Variants in ABCC6 observed in about 807,000 individuals in gnomAD.
ABCC6 encodes ATP binding cassette subfamily C member 6.
A neutral mutation model predicts 169.5 loss-of-function variants in ABCC6; 126 were observed. That is an observed-to-expected ratio of 0.74 (90% CI 0.64 to 0.86). ABCC6 has a LOEUF of 0.86. ABCC6 is among the 40% of genes least tolerant of loss of function. The pLI, the probability that ABCC6 is intolerant of heterozygous loss-of-function variation, is 0.00. For synonymous variants in ABCC6, 752 were observed against 814.7 expected, an observed-to-expected ratio of 0.92 and a Z score of 1.31; for missense variants, 1,733 against 1,927.2, an observed-to-expected ratio of 0.90 and a Z score of 1.89.
intron 27 of ABCC6, among the ~76,000 whole-genome samples, chr16:16,156,217 A>G (rs2046549571): frequency 6.6e-6 from 1 of 152,170 alleles, no homozygotes; most frequent in South Asian, 2.1e-4. Flanking sequence ...CACCCAGCCA[A>G]CAATGCTGTT....
intron 30 of ABCC6, 25 bp downstream of exon 30, chr16:16,150,553 G>A (rs752404357): frequency 3.9e-5 from 63 of 1,601,638 alleles, no homozygotes; most frequent in Non-Finnish European, 1.3e-5. Flanking sequence ...GCTGCTGTGA[G>A]GTCAGGCCGG....
chr16:16,176,249 T>C (rs189829328), intron 19 of ABCC6, among the ~76,000 whole-genome samples: 124 of 152,310 alleles, frequency 8.1e-4, no homozygotes, highest in African/African-American at 2.9e-3. Flanking sequence ...TTTAACACTG[T>C]ACAAAGTCAA....
At chr16:16,189,014 C>T (rs779653466) in intron 12 of ABCC6, 40 bp from the exon 13 acceptor site, 68 of 1,610,870 alleles carry the variant, frequency 4.2e-5, no homozygotes, top group South Asian at 5.5e-5. Flanking sequence ...CAGTGAGACA[C>T]GCAAGCATGG....
chr16:16,202,213 G>A (rs554146271), intron 8 of ABCC6, 35 bp from the exon 9 acceptor site: 140 of 1,583,042 alleles, frequency 8.8e-5, no homozygotes, highest in South Asian at 7.2e-4. Flanking sequence ...TACAGCTGGT[G>A]AGAGGAGGTG....
At chr16:16,209,191 C>T (rs2048508377) in intron 6 of ABCC6, among the ~76,000 whole-genome samples, 2 of 152,156 alleles carry the variant, frequency 1.3e-5, no homozygotes, top group African/African-American at 2.4e-5. Flanking sequence ...TCAAGCGATT[C>T]TCCCACCTCA....
Position 16,157,721 on chromosome 16 carries a change from C to A in ABCC6, c.3824G>T (p.Arg1275Leu), listed in dbSNP as rs200010958. ...IEFRDFGLRY[R>L]PELPLAVQGV... ...CTGCACAGCCAGCGGGAGCTCAGGT[C>A]GGTATCTTAGCCCAAAGTCCCGGAA... is the stretch of plus-strand genomic sequence containing the variant. Residue 1275 changes from arginine (R) to leucine (L), a missense_variant, in exon 27 of 31, where the codon CGA (arginine) becomes CTA (leucine). Around this residue, in one of 5 missense-constraint regions of ABCC6, gnomAD observed 1,601 missense variants for 1,635.5 expected, o/e 0.98. Transcript: ENST00000205557. The A allele has an allele frequency of 6.2e-7, 1 of 1,613,990 alleles. No homozygotes were observed. The highest frequency in any genetic ancestry group is 1.7e-5 in the Admixed American group (1 of 60,002).
intron 25 of ABCC6, among the ~76,000 whole-genome samples, chr16:16,160,330 A>T (rs557694837): frequency 1.6e-4 from 25 of 152,174 alleles, no homozygotes; most frequent in Non-Finnish European, 2.1e-4. Flanking sequence ...TGTGGGCAGT[A>T]TTAAGTGAGT....
rs3213473 is a variant in ABCC6 at position 16,162,910 on chromosome 16, T to A, written c.3506+83A>T. Reference sequence around the variant, plus strand: ...TGTCCCTGACTCTCTGGGTGACCTCTCTACCATACAATATGACCTCAGGTC... The same window carrying A: ...TGTCCCTGACTCTCTGGGTGACCTCACTACCATACAATATGACCTCAGGTC... On this transcript the variant is annotated intron_variant, in intron 24 of 30. Transcript: ENST00000205557. 0.017 allele frequency: 26,162 copies of A among 1,574,632 alleles called. 279 individuals are homozygous for A. The highest frequency in any genetic ancestry group is 0.02 in the Non-Finnish European group (22,637 of 1,146,450).
chr16:16,192,108 G>A (rs1285453012), intron 11 of ABCC6, among the ~76,000 whole-genome samples: 1 of 152,216 alleles, frequency 6.6e-6, no homozygotes, highest in Non-Finnish European at 1.5e-5. Context: ...GGGTGGTGAG[G>A]GAAGCCGCCC....
intron 10 of ABCC6, among the ~76,000 whole-genome samples, chr16:16,194,772 C>T (rs1309087176): frequency 1.3e-5 from 2 of 152,098 alleles, no homozygotes; most frequent in Non-Finnish European, 2.9e-5. Flanking sequence ...CTCACTGCAA[C>T]CTCTGCTTCC....
intron 29 of ABCC6, among the ~76,000 whole-genome samples, chr16:16,151,888 A>G (rs1353692974): frequency 6.6e-6 from 1 of 152,004 alleles, no homozygotes; most frequent in Non-Finnish European, 1.5e-5. Context: ...TCGTGACGAC[A>G]TGGCACATAA....
chr16:16,203,727 T>G (rs1166836139), intron 7 of ABCC6, 114 bp from the exon 8 acceptor site: 17 of 1,134,150 alleles, frequency 1.5e-5, no homozygotes, highest in East Asian at 5.0e-5. Context: ...TGGGTGTGGA[T>G]CTAGCCTGGC....
chr16:16,161,237 C>A (rs2152221464), intron 25 of ABCC6, among the ~76,000 whole-genome samples: 1 of 143,024 alleles, frequency 7.0e-6, no homozygotes, highest in South Asian at 2.2e-4. Flanking sequence ...TGACACTCCA[C>A]AAGGAAAGAC....
At position 16,187,819 on chromosome 16, in the gene ABCC6, T is replaced by A. The variant is rs146334179; in HGVS notation, c.1780-608A>T. Reference sequence around the variant, plus strand: ...CTGGGAGGTAGAAGCATCACTTGAGTCCAGGAGTTTGAGCATGCAGTGAGC... The same window carrying A: ...CTGGGAGGTAGAAGCATCACTTGAGACCAGGAGTTTGAGCATGCAGTGAGC... On this transcript the variant is annotated intron_variant, in intron 13 of 30. Transcript: ENST00000205557. Among the ~76,000 whole-genome samples, 18 of 152,100 alleles carry A rather than the reference T, an allele frequency of 1.2e-4. No homozygotes were observed. In the East Asian group the frequency reaches 3.5e-3, roughly 29 times the overall value.
At chr16:16,209,266 T>C (rs1457686303) in intron 6 of ABCC6, among the ~76,000 whole-genome samples, 1 of 152,064 alleles carries the variant, frequency 6.6e-6, no homozygotes, top group Non-Finnish European at 1.5e-5. Context: ...GTATTTTTTG[T>C]AGAGATGGAG....
At chr16:16,162,521 A>G (rs1023719657) in intron 24 of ABCC6, among the ~76,000 whole-genome samples, 1 of 152,204 alleles carries the variant, frequency 6.6e-6, no homozygotes, top group Non-Finnish European at 1.5e-5. Context: ...GGTCTTACCT[A>G]TGAGTGTCTG....
intron 5 of ABCC6, among the ~76,000 whole-genome samples, chr16:16,213,151 C>G (rs1183884992): frequency 6.7e-6 from 1 of 150,162 alleles, no homozygotes; most frequent in Non-Finnish European, 1.5e-5. Flanking sequence ...ATGGTGCAAT[C>G]ATAGCTCACT....
At chr16:16,156,940 C>G (rs2046569419) in intron 27 of ABCC6, among the ~76,000 whole-genome samples, 1 of 40,552 alleles carries the variant, frequency 2.5e-5, no homozygotes, top group South Asian at 1.6e-3. Flanking sequence ...GAGACTCTGT[C>G]TCAAAAAAAA....
At position 16,161,588 on chromosome 16, in the gene ABCC6, G is replaced by T. The variant is rs770283474; in HGVS notation, c.3507-24C>A. The T allele has an allele frequency of 3.1e-6, 5 of 1,613,560 alleles. No individual in the cohort carries two copies. The African/African-American group carries it at 4.0e-5, about 13-fold the overall frequency. On this transcript the variant is annotated intron_variant, in intron 24 of 30. Transcript: ENST00000205557. ...ACCTGCAAAGGGAAGCGACAGCAGG[G>T]TGAGTGGTTACTCTCATCTGCAGGG...
Sources: gnomAD v4.1 joint callset for allele counts (sites outside exome capture counted in the v4.1 genomes callset) on GRCh38, gnomAD v4.1.1 for gene constraint, gnomAD v4.1.1 regional missense constraint, MANE v1.5 for transcripts, NCBI Gene and HGNC (gene_info 2026-07-23, HGNC 2026-07-21) for gene names.